The following RUNX1 variants were observed in gnomAD, a reference collection of about 807,000 sequenced individuals.
RUNX1 encodes RUNX family transcription factor 1.
RUNX1 carries 19 observed loss-of-function variants against 42.8 expected under a neutral mutation model. The ratio of observed to expected loss-of-function variants is 0.44; its 90% CI spans 0.31 to 0.65. The LOEUF is 0.65. Among genes scored for constraint, RUNX1 ranks in the 30% least tolerant of loss-of-function variants. The pLI is 0.07. For synonymous variants in RUNX1, 271 were observed against 289.4 expected, an observed-to-expected ratio of 0.94 and a Z score of 0.64; for missense variants, 528 against 672.0, an observed-to-expected ratio of 0.79 and a Z score of 2.37.
intron 8 of RUNX1, 52 bp downstream of exon 8, chr21:34,799,249 T>C: frequency 6.2e-7 from 1 of 1,603,610 alleles, no homozygotes. Flanking sequence ...TCTAGTCTCC[T>C]GGACCTTCCA....
intron 2 of RUNX1, among the ~76,000 whole-genome samples, chr21:35,004,746 C>G (rs1425525690): frequency 1.3e-5 from 2 of 152,174 alleles, no homozygotes; most frequent in Non-Finnish European, 2.9e-5. Context: ...CAGAGACATT[C>G]AACTTTCGGG....
chr21:35,002,669 C>T (rs2059055264), intron 2 of RUNX1, among the ~76,000 whole-genome samples: 1 of 152,020 alleles, frequency 6.6e-6, no homozygotes, highest in Admixed American at 6.6e-5. Flanking sequence ...CTCAGGTGAT[C>T]CATCTGCCTT....
chr21:34,904,733 G>A (rs2058204144), intron 2 of RUNX1, among the ~76,000 whole-genome samples: 1 of 152,066 alleles, frequency 6.6e-6, no homozygotes, highest in African/African-American at 2.4e-5. Context: ...GTTCTCAAGG[G>A]GGGCCTGCAG....
At chr21:34,807,814 G>T (rs1351038587) in intron 7 of RUNX1, among the ~76,000 whole-genome samples, 1 of 152,196 alleles carries the variant, frequency 6.6e-6, no homozygotes, top group African/African-American at 2.4e-5. Context: ...TGCAGACAAA[G>T]GGGGTGACCC....
chr21:34,889,835 C>T, intron 3 of RUNX1: 3 of 1,110,172 alleles, frequency 2.7e-6, no homozygotes, highest in Non-Finnish European at 3.3e-6. Flanking sequence ...CTGCTCCCGT[C>T]ACCATGAGTC....
intron 2 of RUNX1, among the ~76,000 whole-genome samples, chr21:35,030,340 C>G (rs139616369): frequency 0.012 from 1,811 of 148,728 alleles, 30 homozygotes; most frequent in African/African-American, 0.043. Flanking sequence ...GAGACTCTGT[C>G]TCAAAAAAAA....
In RUNX1 at chr21:34,867,602, C is replaced by T. The variant is rs78455051; in HGVS notation, c.509-8024G>A. Among the ~76,000 whole-genome samples, 990 of 152,250 alleles carry T rather than the reference C, an allele frequency of 6.5e-3. 14 individuals carry two copies. Among genetic ancestry groups the T allele is most frequent in the African/African-American group, 0.023 (942 of 41,546 alleles). On this transcript the variant is annotated intron_variant, in intron 5 of 8. Coordinates refer to ENST00000675419, the MANE Select transcript of RUNX1 (RefSeq NM_001754.5). ...CAGGTTTGCAAAAGGAGTGGAGGGG[C>T]GGGCCTCTTTATTTGGCAGAATATC...
At chr21:34,846,942 T>C (rs2057326119) in intron 6 of RUNX1, among the ~76,000 whole-genome samples, 1 of 152,178 alleles carries the variant, frequency 6.6e-6, no homozygotes, top group African/African-American at 2.4e-5. Flanking sequence ...TGACTCGTCC[T>C]GGGAAACTGG....
chr21:35,030,583 T>C (rs531884144), intron 2 of RUNX1, among the ~76,000 whole-genome samples: 1 of 152,232 alleles, frequency 6.6e-6, no homozygotes, highest in South Asian at 2.1e-4. Context: ...CAAAATGGAT[T>C]AAAGACTTAA....
chr21:34,855,495 A>C (rs1189090000), intron 6 of RUNX1, among the ~76,000 whole-genome samples: 6 of 152,194 alleles, frequency 3.9e-5, no homozygotes, highest in Admixed American at 3.9e-4. Flanking sequence ...ACTTGAGGTC[A>C]GGAGTTCGAG....
At chr21:34,871,260 A>T (rs1216202827) in intron 5 of RUNX1, among the ~76,000 whole-genome samples, 1 of 152,212 alleles carries the variant, frequency 6.6e-6, no homozygotes, top group African/African-American at 2.4e-5. Flanking sequence ...AGCTCTGTGC[A>T]GTCCCTGGCT....
At chr21:34,846,238 A>T (rs1490419964) in intron 6 of RUNX1, among the ~76,000 whole-genome samples, 1 of 139,738 alleles carries the variant, frequency 7.2e-6, no homozygotes, top group African/African-American at 2.8e-5. Flanking sequence ...AAGTCATGGG[A>T]ACTCTAGTTA....
intron 5 of RUNX1, among the ~76,000 whole-genome samples, chr21:34,865,664 C>A (rs1387043690): frequency 6.6e-6 from 1 of 152,176 alleles, no homozygotes; most frequent in Non-Finnish European, 1.5e-5. Context: ...TTGACGTTGG[C>A]GGCCCTGGGG....
intron 2 of RUNX1, among the ~76,000 whole-genome samples, chr21:34,895,990 G>A (rs2058126995): frequency 6.6e-6 from 1 of 152,022 alleles, no homozygotes; most frequent in Admixed American, 6.6e-5. Flanking sequence ...GGAGATGGAA[G>A]AGGGGATTGA....
rs2056467752 is a variant in RUNX1 at position 34,792,814 on chromosome 21, G to A, written c.968-204C>T. ...GGATTACCCAGGATGCTATACCCAG[G>A]GGGACAGGGACCACCCAGGATGCCA... On this transcript the variant is annotated intron_variant, in intron 8 of 8. Coordinates refer to ENST00000675419, the MANE Select transcript of RUNX1 (RefSeq NM_001754.5). The surrounding 1 kb of genome is among the most constrained non-coding windows in gnomAD (Gnocchi z 6.9). Among the ~76,000 whole-genome samples, 1 of 151,642 alleles carries A rather than the reference G, an allele frequency of 6.6e-6. No individual in the cohort carries two copies.
At chr21:34,856,319 C>A in intron 6 of RUNX1, 3 of 518,122 alleles carry the variant, frequency 5.8e-6, no homozygotes, top group Non-Finnish European at 1.2e-5. Flanking sequence ...AGGCTCCACA[C>A]CTGCAATGAG....
chr21:34,797,048 T>C (rs2145898094), intron 8 of RUNX1, among the ~76,000 whole-genome samples: 1 of 152,282 alleles, frequency 6.6e-6, no homozygotes, highest in Admixed American at 6.5e-5. Flanking sequence ...CCACTTTCCT[T>C]TTATGTATTC....
chr21:34,976,128 C>CA lies in RUNX1; in HGVS notation c.58+72713dup, dbSNP rs34633513. 6.7e-3 allele frequency among the ~76,000 whole-genome samples: 798 copies of CA among 119,472 alleles called. 2 individuals are homozygous for CA. Among genetic ancestry groups the CA allele is most frequent in the Middle Eastern group, 0.056 (12 of 216 alleles). The allele number at this position is 119,472 out of a possible 152,430, so 78.4% of individuals were successfully genotyped here. A position where few individuals can be genotyped will look rare whatever the true frequency, so the allele number is the denominator to read the frequency against. On this transcript the variant is annotated intron_variant, in intron 2 of 8. Transcript: ENST00000675419. ...AAAAAAATACATCAATTGGTCTTTCCAAAAAAAAAAAAAAATTACAGAAGA... is the reference window on the plus strand; with the variant it reads ...AAAAAAATACATCAATTGGTCTTTCCAAAAAAAAAAAAAAAATTACAGAAGA...
intron 6 of RUNX1, chr21:34,859,192 C>G (rs2057535757): frequency 1.9e-5 from 9 of 474,848 alleles, no homozygotes; most frequent in South Asian, 6.7e-5. Context: ...ATTGAGGAAG[C>G]AGTCCTTAGT....
Sources: gnomAD v4.1 joint callset for allele counts (sites outside exome capture counted in the v4.1 genomes callset) on GRCh38, gnomAD v4.1.1 for gene constraint, Gnocchi (gnomAD v3.1) non-coding constraint, MANE v1.5 for transcripts, NCBI Gene and HGNC (gene_info 2026-07-23, HGNC 2026-07-21) for gene names.